Variants in DNAH5 observed in about 807,000 individuals in gnomAD.
DNAH5 encodes the protein axonemal beta dynein heavy chain 5.
Under a neutral mutation model 518.2 loss-of-function variants are expected in DNAH5, and 372 were observed. The ratio of observed to expected loss-of-function variants is 0.72; its 90% CI spans 0.66 to 0.78. DNAH5 has a LOEUF of 0.78. DNAH5 is among the 30% of genes least tolerant of loss of function. The probability of loss-of-function intolerance (pLI) is 0.00; values close to 1 mark genes in which losing one functional copy is unlikely to be tolerated. For missense variants in DNAH5, 5,523 were observed against 5,687.0 expected, an observed-to-expected ratio of 0.97 and a Z score of 0.93; for synonymous variants, 2,039 against 2,025.9, an observed-to-expected ratio of 1.01 and a Z score of -0.17.
At chr5:13,889,462 TG>T (rs1772889668) in intron 17 of DNAH5, among the ~76,000 whole-genome samples, 1 of 152,214 alleles carries the variant, frequency 6.6e-6, no homozygotes, top group Non-Finnish European at 1.5e-5. Flanking sequence ...GGCCTGAAAC[TG>T]CTCTCCTTAG....
At chr5:13,720,101 G>GA (rs34247457) in intron 71 of DNAH5, among the ~76,000 whole-genome samples, 61,841 of 123,580 alleles carry the variant, frequency 0.5, 13,011 homozygotes, top group Middle Eastern at 0.54. Flanking sequence ...CTTTCAAAAA[G>GA]AAAAAACACC....
At chr5:13,837,692 C>CTTTTT (rs534618242) in intron 35 of DNAH5, among the ~76,000 whole-genome samples, 1 of 95,108 alleles carries the variant, frequency 1.1e-5, no homozygotes, top group Non-Finnish European at 2.1e-5. Flanking sequence ...GGGAACTCCA[C>CTTTTT]TTTTTTTTTT....
chr5:14,011,529 C>T (rs1335868321), intron 1 of DNAH5, among the ~76,000 whole-genome samples: 2 of 152,168 alleles, frequency 1.3e-5, no homozygotes, highest in Non-Finnish European at 2.9e-5. Context: ...AAGCCGAGCC[C>T]CTCCCTGGTC....
chr5:13,970,142 G>A (rs533438486), intron 1 of DNAH5, among the ~76,000 whole-genome samples: 30 of 152,210 alleles, frequency 2.0e-4, no homozygotes, highest in Middle Eastern at 6.8e-3. Context: ...CATTTGCATG[G>A]AATATCTTTT....
intron 55 of DNAH5, among the ~76,000 whole-genome samples, chr5:13,771,928 A>G (rs1753398114): frequency 6.6e-6 from 1 of 152,224 alleles, no homozygotes. Flanking sequence ...CAATCACTAA[A>G]TTAAGTTCTT....
In DNAH5 at chr5:13,959,511, C is replaced by T. The variant is rs113232889; in HGVS notation, c.13-28267G>A. ...ATCTTCATGCCATGAGTGCAGGTCC[C>T]TTTTCGGACCAGCCCAGCGCCCAGG... On this transcript the variant is annotated intron_variant, in intron 1 of 78. Coordinates refer to the DNAH5 transcript ENST00000681290. 3.6e-3 allele frequency among the ~76,000 whole-genome samples: 555 copies of T among 152,322 alleles called. 4 individuals are homozygous for T. The highest frequency in any genetic ancestry group is 0.013 in the African/African-American group (525 of 41,578).
chr5:13,867,285 C>T (rs943725681), intron 25 of DNAH5, among the ~76,000 whole-genome samples: 2 of 152,160 alleles, frequency 1.3e-5, no homozygotes, highest in South Asian at 2.1e-4. Context: ...ATAATCCCCA[C>T]GTCTCAAGGG....
At chr5:13,867,623 AAT>A in intron 25 of DNAH5, 149 bp downstream of exon 25, 1 of 732,180 alleles carries the variant, frequency 1.4e-6, no homozygotes, top group Admixed American at 2.1e-5. Flanking sequence ...TGTGAAAAAA[AAT>A]GTTTTTCTCT....
At chr5:13,994,902 C>T (rs1253848537) in intron 1 of DNAH5, among the ~76,000 whole-genome samples, 1 of 152,156 alleles carries the variant, frequency 6.6e-6, no homozygotes, top group African/African-American at 2.4e-5. Flanking sequence ...TGCCACAATC[C>T]GTCTCCAGCA....
intron 23 of DNAH5, among the ~76,000 whole-genome samples, chr5:13,871,275 T>A (rs901325481): frequency 2.0e-5 from 3 of 152,234 alleles, no homozygotes; most frequent in Non-Finnish European, 4.4e-5. Context: ...AAAGGTTTGT[T>A]ATTGTTATTT....
intron 60 of DNAH5, among the ~76,000 whole-genome samples, chr5:13,759,743 TA>T (rs1299049707): frequency 6.6e-6 from 1 of 152,218 alleles, no homozygotes; most frequent in Non-Finnish European, 1.5e-5. Context: ...AGTTCATGCC[TA>T]AGAAATTTAG....
rs975123762 is a variant in DNAH5 at position 13,872,514 on chromosome 5, G to A, written c.3397-749C>T. On this transcript the variant is annotated intron_variant, in intron 22 of 78. Coordinates refer to ENST00000265104, the MANE Select transcript of DNAH5 (RefSeq NM_001369.3). The stretch of plus-strand genomic sequence containing the variant: ...TACATGTTTCTAGGTATTTTTCAAT[G>A]CTGTTGTCATTGTAAACAAGATATT... Among the ~76,000 whole-genome samples the A allele has an allele frequency of 2.6e-5, 4 of 152,100 alleles. No individual in the cohort carries two copies. In the South Asian group the frequency reaches 8.3e-4, roughly 32 times the overall value.
chr5:13,726,416 G>A (rs1000330539), intron 70 of DNAH5, among the ~76,000 whole-genome samples: 6 of 152,174 alleles, frequency 3.9e-5, no homozygotes, highest in African/African-American at 4.8e-5. Flanking sequence ...TCCAGGGATC[G>A]GAGAAGCTAA....
intron 1 of DNAH5, among the ~76,000 whole-genome samples, chr5:13,935,421 A>C: frequency 6.6e-6 from 1 of 152,174 alleles, no homozygotes; most frequent in African/African-American, 2.4e-5. Flanking sequence ...ATTTATATAA[A>C]GCTAATTATT....
chr5:13,993,314 TTC>T lies in DNAH5; in HGVS notation c.12+18332_12+18333del, dbSNP rs1327168999. Among the ~76,000 whole-genome samples, 10 of 152,316 alleles carry T rather than the reference TTC, an allele frequency of 6.6e-5. 1 individual carries two copies. The highest frequency in any genetic ancestry group is 2.4e-4 in the African/African-American group (10 of 41,570). On this transcript the variant is annotated intron_variant, in intron 1 of 78. Transcript: ENST00000681290. ...GAGTTTTTATCACTGTCTCTAAATT[TTC>T]TCTTTAAGCAGGTGGAACATATTTT...
chr5:13,866,158 T>C, intron 26 of DNAH5, 62 bp downstream of exon 26: 5 of 1,467,292 alleles, frequency 3.4e-6, no homozygotes, highest in Non-Finnish European at 3.8e-6. Flanking sequence ...AGAAAACATA[T>C]GTGTGTTTAA....
intron 19 of DNAH5, among the ~76,000 whole-genome samples, chr5:13,884,518 T>G (rs1409665449): frequency 6.6e-6 from 1 of 152,198 alleles, no homozygotes; most frequent in Non-Finnish European, 1.5e-5. Context: ...TCATAATGTT[T>G]AAAATTACGA....
At position 13,717,362 on chromosome 5, in the gene DNAH5, T is replaced by C. The variant is rs2277046; in HGVS notation, c.12658A>G (p.Thr4220Ala). Residue 4220 changes from threonine (T) to alanine (A), a missense_variant, in exon 73 of 79, where the codon ACT becomes GCT. This residue lies in a region of DNAH5 where 5,121 missense variants were observed against 5,223.3 expected (regional missense o/e 0.98). Coordinates refer to ENST00000265104, the MANE Select transcript of DNAH5 (RefSeq NM_001369.3). ...YEFNQADFNA[T>A]VQFIQNHLDD... ...AAGTGGTTTTGGATGAACTGCACAG[T>C]GGCATTAAAGTCCGCTTGGTTAAAT... 173,206 of 1,613,678 alleles carry C rather than the reference T, an allele frequency of 0.11. 14,021 individuals are homozygous for C. The highest frequency in any genetic ancestry group is 0.42 in the East Asian group (18,798 of 44,764).
chr5:13,880,566 G>T (rs184148071), intron 21 of DNAH5, among the ~76,000 whole-genome samples: 106 of 152,060 alleles, frequency 7.0e-4, no homozygotes, highest in African/African-American at 2.3e-3. Flanking sequence ...ATGAGGTGGG[G>T]AGTAAAAGTA....
Sources: allele counts gnomAD v4.1 joint callset (sites outside exome capture counted in the v4.1 genomes callset), GRCh38; gene constraint gnomAD v4.1.1; regional missense constraint gnomAD v4.1.1; transcripts MANE v1.5; gene names NCBI Gene and HGNC (gene_info 2026-07-23, HGNC 2026-07-21).